Variants in PLXNA2 observed in about 807,000 individuals in gnomAD.
The protein encoded by PLXNA2 is plexin-A2.
Under a neutral mutation model 193.5 loss-of-function variants are expected in PLXNA2, and 91 were observed. That is an observed-to-expected ratio of 0.47 (90% CI 0.40 to 0.56). PLXNA2 has a LOEUF of 0.56. Among genes scored for constraint, PLXNA2 ranks in the 20% least tolerant of loss-of-function variants. PLXNA2 has a pLI of 0.00. For missense variants in PLXNA2, 1,995 were observed against 2,503.2 expected (o/e 0.80, Z 4.33); for synonymous variants, 997 against 1,027.3 (o/e 0.97, Z 0.56).
At position 208,233,073 on chromosome 1, in the gene PLXNA2, C is replaced by T. The variant is rs536157132; in HGVS notation, c.-81+10570G>A. On this transcript the variant is annotated intron_variant, in intron 1 of 31. Coordinates refer to ENST00000367033, the MANE Select transcript of PLXNA2 (RefSeq NM_025179.4). ...TCCCTAAATGTTGTAGAGCCCATTC[C>T]CTCCCTAAGTAGCCTTTTCCAGGCT... Among the ~76,000 whole-genome samples the T allele has an allele frequency of 2.6e-5, 4 of 152,270 alleles. No homozygotes were observed. The South Asian group carries it at 8.3e-4, about 32-fold the overall frequency.
chr1:208,175,151 T>G lies in PLXNA2; in HGVS notation c.1372-32688A>C, dbSNP rs552753900. On this transcript the variant is annotated intron_variant, in intron 3 of 31. Coordinates refer to ENST00000367033, the MANE Select transcript of PLXNA2 (RefSeq NM_025179.4). Reference sequence around the variant, plus strand: ...AATCTTTGGGGGAGAAGGTATATGATGAGTGAACCGGAACACCTGGAGACC... The same window carrying G: ...AATCTTTGGGGGAGAAGGTATATGAGGAGTGAACCGGAACACCTGGAGACC... Among the ~76,000 whole-genome samples the G allele has an allele frequency of 3.2e-4, 49 of 152,252 alleles. No homozygotes were observed. The Middle Eastern group carries it at 0.01, about 32-fold the overall frequency.
chr1:208,238,461 T>C (rs115654286), intron 1 of PLXNA2, among the ~76,000 whole-genome samples: 3,006 of 152,318 alleles, frequency 0.02, 32 homozygotes, highest in Middle Eastern at 0.034. Context: ...AGATGAACTA[T>C]CAAGGGATGC....
intron 1 of PLXNA2, among the ~76,000 whole-genome samples, chr1:208,222,349 C>CTAGT (rs1671364431): frequency 6.6e-6 from 1 of 152,206 alleles, no homozygotes; most frequent in Non-Finnish European, 1.5e-5. Flanking sequence ...CTCTGTTCTA[C>CTAGT]CAGTTTCCCT....
At chr1:208,167,414 G>A (rs1669344402) in intron 3 of PLXNA2, among the ~76,000 whole-genome samples, 1 of 152,202 alleles carries the variant, frequency 6.6e-6, no homozygotes, top group Admixed American at 6.5e-5. Context: ...AATATGCTCA[G>A]TGCACACTAT....
At chr1:208,099,731 C>T (rs566242553) in intron 5 of PLXNA2, among the ~76,000 whole-genome samples, 5 of 152,050 alleles carry the variant, frequency 3.3e-5, no homozygotes, top group South Asian at 4.2e-4. Flanking sequence ...CCACCGTGCC[C>T]GGCTAATTTT....
At chr1:208,143,938 G>A (rs79443173) in intron 3 of PLXNA2, among the ~76,000 whole-genome samples, 2 of 152,232 alleles carry the variant, frequency 1.3e-5, no homozygotes, top group East Asian at 1.9e-4. Flanking sequence ...GAACATAGCC[G>A]GCAACGGATA....
rs1424555327 is a variant in PLXNA2, at chr1:208,034,583, T to G, written c.4774A>C (p.Arg1592=). 2.5e-6 allele frequency: 4 copies of G among 1,610,656 alleles called. No homozygotes were observed. Among genetic ancestry groups the G allele is most frequent in the Admixed American group, 1.7e-5 (1 of 60,022 alleles). Residue 1592 remains arginine, a synonymous_variant, in exon 27 of 32, where the codon AGG becomes CGG. Coordinates refer to ENST00000367033, the MANE Select transcript of PLXNA2 (RefSeq NM_025179.4). ...TTGGGGACCAGAGCCACCACCGACC[T>G]GTCTGACACCTGAGAAGGGTACAAA... ...NTLMHYQVSD[R]SVVALVPKQT...
chr1:208,197,848 C>T (rs1034693614), intron 3 of PLXNA2, among the ~76,000 whole-genome samples: 1 of 152,128 alleles, frequency 6.6e-6, no homozygotes, highest in African/African-American at 2.4e-5. Flanking sequence ...TAATTGCTGC[C>T]CACAGCACTG....
At position 208,067,873 on chromosome 1, in the gene PLXNA2, A is replaced by G. The variant is rs1665847938; in HGVS notation, c.2587-7036T>C. Among the ~76,000 whole-genome samples the G allele has an allele frequency of 2.0e-5, 3 of 152,178 alleles. No homozygotes were observed. The South Asian group carries it at 6.2e-4, about 32-fold the overall frequency. ...AGGGCCCCCACAGCTATAGCTTTAT[A>G]GGGTGTAAAGCCTCTATGCATTTGA... On this transcript the variant is annotated intron_variant, in intron 12 of 31. Coordinates refer to ENST00000367033, the MANE Select transcript of PLXNA2 (RefSeq NM_025179.4).
At position 208,135,635 on chromosome 1, in the gene PLXNA2, T is replaced by C. The variant is rs1341438985; in HGVS notation, c.1506+6694A>G. Among the ~76,000 whole-genome samples, 8 of 152,314 alleles carry C rather than the reference T, an allele frequency of 5.3e-5. No individual in the cohort carries two copies. The South Asian group carries it at 6.2e-4, about 12-fold the overall frequency. ...TTCCCCACATGTTTGAAGAAATCAG[T>C]CCAGCTTTGATGACTCCAGCTGGGC... On this transcript the variant is annotated intron_variant, in intron 4 of 31. Transcript: ENST00000367033.
chr1:208,053,545 C>G (rs1460033164), intron 14 of PLXNA2, among the ~76,000 whole-genome samples: 1 of 152,202 alleles, frequency 6.6e-6, no homozygotes, highest in Non-Finnish European at 1.5e-5. Flanking sequence ...AAACCTGAAA[C>G]AATCAGCAAA....
chr1:208,170,377 C>T (rs1326368102), intron 3 of PLXNA2, among the ~76,000 whole-genome samples: 4 of 152,158 alleles, frequency 2.6e-5, no homozygotes, highest in Non-Finnish European at 4.4e-5. Flanking sequence ...CTAGCATGGG[C>T]CTTGGGGACC....
chr1:208,227,739 G>A (rs1041363099), intron 1 of PLXNA2, among the ~76,000 whole-genome samples: 26 of 152,118 alleles, frequency 1.7e-4, no homozygotes, highest in African/African-American at 4.1e-4. Flanking sequence ...CTTGGCAGCC[G>A]CCTTTCAGAG....
Position 208,079,260 on chromosome 1 carries a change from C to T in PLXNA2, c.2586G>A (p.Glu862=). ...NVKCSNPQIT[E]ILTVSGPPEG... ...TGCTCTAGAGACTTGCAGGACTTAC[C>T]TCGGTGATTTGAGGGTTGGAGCACT... Residue 862 remains glutamate (E), a splice_region_variant and synonymous_variant, in exon 12 of 32, where the codon GAG becomes GAA. Coordinates refer to ENST00000367033, the MANE Select transcript of PLXNA2 (RefSeq NM_025179.4). 6.2e-7 allele frequency: 1 copy of T among 1,601,744 alleles called. No homozygotes were observed. Among genetic ancestry groups the T allele is most frequent in the Non-Finnish European group, 8.6e-7 (1 of 1,169,572 alleles).
chr1:208,102,151 G>T (rs1000663494), intron 5 of PLXNA2, among the ~76,000 whole-genome samples: 2 of 152,204 alleles, frequency 1.3e-5, no homozygotes, highest in Non-Finnish European at 2.9e-5. Context: ...ATCCAGTCCA[G>T]ATTTTGCATC....
intron 4 of PLXNA2, among the ~76,000 whole-genome samples, chr1:208,106,239 C>A (rs1322339981): frequency 6.6e-6 from 1 of 152,044 alleles, no homozygotes; most frequent in Non-Finnish European, 1.5e-5. Context: ...GGGTGGAGAC[C>A]CTCAAAGTCA....
intron 3 of PLXNA2, among the ~76,000 whole-genome samples, chr1:208,157,747 C>G (rs951061475): frequency 6.6e-6 from 1 of 152,096 alleles, no homozygotes; most frequent in African/African-American, 2.4e-5. Flanking sequence ...AGGAGAGCCA[C>G]GGGGGTGGAG....
Position 208,040,077 on chromosome 1 carries a change from G to T in PLXNA2, c.4287-19C>A. On this transcript the variant is annotated intron_variant, in intron 22 of 31. Coordinates refer to ENST00000367033, the MANE Select transcript of PLXNA2 (RefSeq NM_025179.4). The stretch of plus-strand genomic sequence containing the variant: ...CTCTGTCCTGGGGAAGGGACAAAGG[G>T]TAAGGGGCAGTCCTTCACAGAGGGG... 6.2e-7 allele frequency: 1 copy of T among 1,607,606 alleles called. No homozygotes were observed. The highest frequency in any genetic ancestry group is 8.5e-7 in the Non-Finnish European group (1 of 1,174,120).
At chr1:208,203,587 C>T (rs1210553886) in intron 3 of PLXNA2, among the ~76,000 whole-genome samples, 1 of 152,164 alleles carries the variant, frequency 6.6e-6, no homozygotes, top group East Asian at 1.9e-4. Flanking sequence ...GCTTTTCATC[C>T]AACTTGGCCT....
Sources: gnomAD v4.1 joint callset for allele counts (sites outside exome capture counted in the v4.1 genomes callset) on GRCh38, gnomAD v4.1.1 for gene constraint, MANE v1.5 for transcripts, NCBI Gene and HGNC (gene_info 2026-07-23, HGNC 2026-07-21) for gene names.